TENM4: variants seen among roughly 807,000 people sequenced by gnomAD.
TENM4 encodes the protein teneurin-4.
In TENM4, 82 loss-of-function variants were observed where a neutral mutation model predicts 243.3. The ratio of observed to expected loss-of-function variants is 0.34; its 90% CI spans 0.28 to 0.40. The LOEUF (loss-of-function observed/expected upper bound fraction) is 0.40. Ranked by LOEUF, TENM4 falls within the 10% of genes least tolerant of loss-of-function variation. The probability of loss-of-function intolerance (pLI) is 1.00; values close to 1 mark genes in which losing one functional copy is unlikely to be tolerated. For missense variants in TENM4, 3,138 were observed against 3,673.3 expected, an observed-to-expected ratio of 0.85 and a Z score of 3.77; for synonymous variants, 1,412 against 1,456.3, an observed-to-expected ratio of 0.97 and a Z score of 0.69.
At position 78,915,026 on chromosome 11, in the gene TENM4, C is replaced by T. The variant is rs975051671; in HGVS notation, c.494-11503G>A. The stretch of plus-strand genomic sequence containing the variant: ...TTGTGGCTCCCCACTGCCTACAGTA[C>T]GAGACCCCCCACCATCCGGCATGAG... On this transcript the variant is annotated intron_variant, in intron 6 of 33. Transcript: ENST00000278550. 5.9e-5 allele frequency among the ~76,000 whole-genome samples: 9 copies of T among 152,316 alleles called. No homozygotes were observed. In the South Asian group the frequency reaches 6.2e-4, roughly 11 times the overall value.
At chr11:78,694,892 A>AG (rs1013367211) in intron 28 of TENM4, among the ~76,000 whole-genome samples, 17 of 152,180 alleles carry the variant, frequency 1.1e-4, no homozygotes, top group African/African-American at 4.1e-4. Context: ...AGCTTCAACT[A>AG]GGGGGCTTCT....
At chr11:78,818,485 C>G (rs144914032) in intron 12 of TENM4, among the ~76,000 whole-genome samples, 1 of 151,766 alleles carries the variant, frequency 6.6e-6, no homozygotes, top group East Asian at 1.9e-4. Flanking sequence ...TTGGGAGACA[C>G]GAAATAATTT....
chr11:78,900,546 T>G lies in TENM4; in HGVS notation c.749+2722A>C, dbSNP rs148809947. Among the ~76,000 whole-genome samples, 7 of 152,318 alleles carry G rather than the reference T, an allele frequency of 4.6e-5. No homozygotes were observed. In the East Asian group the frequency reaches 1.4e-3, roughly 29 times the overall value. ...GGTGGATATGGAGAGAAGATGTATA[T>G]GAAAAAAATGGGAAATAGCTTTTAG... On this transcript the variant is annotated intron_variant, in intron 7 of 33. Transcript: ENST00000278550.
At chr11:78,877,918 C>T (rs561940325) in intron 9 of TENM4, among the ~76,000 whole-genome samples, 3 of 152,278 alleles carry the variant, frequency 2.0e-5, no homozygotes, top group African/African-American at 7.2e-5. Context: ...ATTCATGGGT[C>T]AGGAAACTGA....
At chr11:79,312,838 G>C (rs531027106) in intron 1 of TENM4, among the ~76,000 whole-genome samples, 1 of 152,314 alleles carries the variant, frequency 6.6e-6, no homozygotes, top group African/African-American at 2.4e-5. Flanking sequence ...GAAGTGGGCT[G>C]TTCCTTTCTC....
intron 4 of TENM4, among the ~76,000 whole-genome samples, chr11:79,079,132 T>G (rs2137023289): frequency 6.6e-6 from 1 of 152,348 alleles, no homozygotes; most frequent in African/African-American, 2.4e-5. Context: ...GACAGGGCTT[T>G]CCTGGGAGCG....
chr11:79,400,730 T>C (rs1163772098), intron 1 of TENM4, among the ~76,000 whole-genome samples: 1 of 152,224 alleles, frequency 6.6e-6, no homozygotes, highest in Non-Finnish European at 1.5e-5. Flanking sequence ...CATAGCACAG[T>C]GCCTGCACAG....
chr11:78,771,090 A>G lies in TENM4; in HGVS notation c.2441T>C (p.Leu814Pro), dbSNP rs772112114. ...CTGGCAGACGCAGTGCCAACCATTC[A>G]GGTCTAAGGTACATCTGCCGTTGCC... Reference protein sequence around the residue: ...CNGNGRCTLDLNGWHCVCQLG... With the variant: ...CNGNGRCTLDPNGWHCVCQLG... Residue 814 changes from leucine to proline, a missense_variant, in exon 18 of 34, where the codon CTG becomes CCG. Leu to Pro is a moderately conservative substitution (Grantham distance 98). This residue lies in a region of TENM4 where 2,467 missense variants were observed against 3,059.1 expected (regional missense o/e 0.81). Coordinates refer to ENST00000278550, the MANE Select transcript of TENM4 (RefSeq NM_001098816.3). 6 of 1,574,744 alleles carry G rather than the reference A, an allele frequency of 3.8e-6. No individual in the cohort carries two copies. The African/African-American group carries it at 6.8e-5, about 18-fold the overall frequency.
chr11:78,768,909 CA>C (rs1463921957), intron 18 of TENM4, among the ~76,000 whole-genome samples: 1 of 152,152 alleles, frequency 6.6e-6, no homozygotes, highest in Admixed American at 6.5e-5. Flanking sequence ...TGAAGTATGG[CA>C]AACAAAGGAT....
intron 16 of TENM4, among the ~76,000 whole-genome samples, chr11:78,782,231 G>A (rs547795028): frequency 6.7e-5 from 8 of 120,296 alleles, no homozygotes; most frequent in South Asian, 5.0e-4. Flanking sequence ...GGCTGAAGCC[G>A]GTGGATCACT....
intron 6 of TENM4, among the ~76,000 whole-genome samples, chr11:78,966,703 C>T (rs541195299): frequency 1.2e-4 from 19 of 152,278 alleles, no homozygotes; most frequent in African/African-American, 3.4e-4. Context: ...TTAGTATCTG[C>T]GGCAGAGGGA....
At chr11:79,194,929 A>G (rs986272442) in intron 3 of TENM4, among the ~76,000 whole-genome samples, 1 of 152,166 alleles carries the variant, frequency 6.6e-6, no homozygotes, top group African/African-American at 2.4e-5. Flanking sequence ...CTGGAGGCCC[A>G]GGAGGAAAAA....
At chr11:78,758,054 A>G (rs1386401090) in intron 18 of TENM4, among the ~76,000 whole-genome samples, 1 of 152,232 alleles carries the variant, frequency 6.6e-6, no homozygotes, top group Non-Finnish European at 1.5e-5. Context: ...AGCTTAAAAT[A>G]CATAACAAAG....
chr11:79,088,425 A>G (rs1341387202), intron 4 of TENM4, among the ~76,000 whole-genome samples: 1 of 152,222 alleles, frequency 6.6e-6, no homozygotes, highest in Non-Finnish European at 1.5e-5. Flanking sequence ...AAAGGGGTGC[A>G]TAGCAGCCCA....
chr11:78,686,107 C>A (rs1858662442), intron 29 of TENM4, among the ~76,000 whole-genome samples: 1 of 152,148 alleles, frequency 6.6e-6, no homozygotes, highest in Admixed American at 6.5e-5. Flanking sequence ...TGCTCCATAC[C>A]CTGGAGGAAG....
intron 6 of TENM4, among the ~76,000 whole-genome samples, chr11:79,044,243 C>T (rs1161877401): frequency 6.6e-6 from 1 of 152,202 alleles, no homozygotes; most frequent in East Asian, 1.9e-4. Flanking sequence ...ATGAATTCTA[C>T]ATATTTTCAA....
At chr11:79,165,924 GC>G (rs1309432452) in intron 3 of TENM4, among the ~76,000 whole-genome samples, 4 of 152,102 alleles carry the variant, frequency 2.6e-5, no homozygotes, top group African/African-American at 9.7e-5. Flanking sequence ...GTTGTTGTTT[GC>G]TTTGTTGAAG....
Position 79,301,884 on chromosome 11 carries a change from C to G in TENM4, c.-320-4341G>C, listed in dbSNP as rs1048470564. 3.9e-5 allele frequency among the ~76,000 whole-genome samples: 6 copies of G among 152,276 alleles called. No individual in the cohort carries two copies. The East Asian group carries it at 1.2e-3, about 29-fold the overall frequency. The stretch of plus-strand genomic sequence containing the variant: ...TTATGGTAAGTTTCCTGAGGTCTCC[C>G]CAGAAGCCCAGCAGATGCTGTCATG... On this transcript the variant is annotated intron_variant, in intron 1 of 33. Coordinates refer to ENST00000278550, the MANE Select transcript of TENM4 (RefSeq NM_001098816.3).
chr11:79,273,756 CCTGTAAATGCG>C (rs1856007662), intron 2 of TENM4, among the ~76,000 whole-genome samples: 1 of 152,174 alleles, frequency 6.6e-6, no homozygotes, highest in African/African-American at 2.4e-5. Context: ...TTAGCAGCAT[CCTGTAAATGCG>C]CTGTAAATGC....
Sources: gnomAD v4.1 joint callset for allele counts (sites outside exome capture counted in the v4.1 genomes callset) on GRCh38, gnomAD v4.1.1 for gene constraint, gnomAD v4.1.1 regional missense constraint, MANE v1.5 for transcripts, NCBI Gene and HGNC (gene_info 2026-07-23, HGNC 2026-07-21) for gene names.